PHPT1: variants seen among roughly 807,000 people sequenced by gnomAD.
The protein encoded by PHPT1 is 14 kDa phosphohistidine phosphatase.
PHPT1 carries 16 observed loss-of-function variants against 15.6 expected under a neutral mutation model. The ratio of observed to expected loss-of-function variants is 1.03; its 90% CI spans 0.70 to 1.56. The LOEUF (loss-of-function observed/expected upper bound fraction) is 1.56. Ranked by LOEUF, PHPT1 falls within the 40% of genes most tolerant of loss-of-function variation. PHPT1 has a pLI of 0.00. For synonymous variants in PHPT1, 102 were observed against 68.1 expected (o/e 1.50, Z -2.45); for missense variants, 228 against 171.0 (o/e 1.33, Z -1.86).
chr9:136,849,643 G>A, intron 1 of PHPT1, 53 bp downstream of exon 1: 5 of 1,384,412 alleles, frequency 3.6e-6, no homozygotes, highest in South Asian at 1.4e-5. Context: ...AGGCGGGGGC[G>A]GGGCTGGCGG....
Position 136,849,588 on chromosome 9 carries a change from A to C in PHPT1, c.158A>C (p.His53Pro). The part of the protein sequence containing the change: ...IVRGYKWAEY[H>P]ADIYDKVSGD... ...CGCGGCTACAAGTGGGCTGAGTACC[A>C]TGGTGAGGGCGGGACCTGCGGGCAT... Residue 53 changes from histidine to proline, a missense_variant and splice_region_variant, in exon 1 of 3, where the codon CAT becomes CCT. Coordinates refer to ENST00000247665, the MANE Select transcript of PHPT1 (RefSeq NM_014172.6). 2.1e-6 allele frequency: 3 copies of C among 1,417,356 alleles called. No individual in the cohort carries two copies. The highest frequency in any genetic ancestry group is 2.8e-6 in the Non-Finnish European group (3 of 1,062,694). 87.8% of individuals were successfully genotyped at this position (1,417,356 alleles called of 1,614,324 possible). A position where few individuals can be genotyped will look rare whatever the true frequency, so the allele number is the denominator to read the frequency against.
At position 136,851,003 on chromosome 9, in the gene PHPT1, G is replaced by T. The variant is rs1247633772; in HGVS notation, c.*156G>T. 3 of 764,946 alleles carry T rather than the reference G, an allele frequency of 3.9e-6. No individual in the cohort carries two copies. Among genetic ancestry groups the T allele is most frequent in the Non-Finnish European group, 7.2e-6 (3 of 418,612 alleles). 47.4% of individuals were successfully genotyped at this position (764,946 alleles called of 1,614,324 possible). Reference sequence around the variant, plus strand: ...TTGGAGACAGGCTAGCCTGGCCACAGAATTAAACGTGTTGCCACACCTGCC... The same window carrying T: ...TTGGAGACAGGCTAGCCTGGCCACATAATTAAACGTGTTGCCACACCTGCC... On this transcript the variant is annotated 3_prime_UTR_variant, in exon 3 of 3. Coordinates refer to ENST00000247665, the MANE Select transcript of PHPT1 (RefSeq NM_014172.6).
At chr9:136,850,681 G>C in intron 2 of PHPT1, 74 bp from the exon 3 acceptor site, 1 of 1,492,520 alleles carries the variant, frequency 6.7e-7, no homozygotes, top group Admixed American at 1.7e-5. Context: ...GGTGTGGCTG[G>C]TGGCTGGATG....
chr9:136,850,344 G>C, intron 2 of PHPT1: 1 of 828,978 alleles, frequency 1.2e-6, no homozygotes, highest in Non-Finnish European at 1.9e-6. Context: ...GGGTGGGACG[G>C]ACACCCCCAG....
intron 1 of PHPT1, 165 bp downstream of exon 1, chr9:136,849,755 G>C (rs1382837431): frequency 6.4e-6 from 5 of 787,192 alleles, no homozygotes; most frequent in Non-Finnish European, 9.5e-6. Flanking sequence ...GCCCCTGCTA[G>C]GTTTGACCCA....
In PHPT1 at chr9:136,850,795, T is replaced by C. The variant is rs922769138; in HGVS notation, c.326T>C (p.Ile109Thr). The change falls in exon 3 of 3, where the codon ATC (isoleucine) becomes ACC (threonine). Residue 109 changes from isoleucine (I) to threonine (T), a missense_variant. By Grantham distance (89) the Ile-to-Thr change is moderately conservative. Coordinates refer to ENST00000247665, the MANE Select transcript of PHPT1 (RefSeq NM_014172.6). ...PAQHAISTEK[I>T]KAKYPDYEVT... ...CAGCACGCCATTTCAACTGAGAAAA[T>C]CAAAGCCAAGTACCCCGACTACGAG... The C allele has an allele frequency of 1.9e-6, 3 of 1,613,028 alleles. No individual in the cohort carries two copies. The highest frequency in any genetic ancestry group is 2.2e-5 in the South Asian group (2 of 91,084).
chr9:136,850,681 G>T (rs1381726694), intron 2 of PHPT1, 74 bp from the exon 3 acceptor site: 1 of 1,492,402 alleles, frequency 6.7e-7, no homozygotes, highest in Non-Finnish European at 9.3e-7. Flanking sequence ...GGTGTGGCTG[G>T]TGGCTGGATG....
rs150899908 is a variant in PHPT1, at chr9:136,849,465, T to C, written c.35T>C (p.Val12Ala). ...GCGGACCTCGCTCTCATTCCTGATGTGGACATCGACTCCGACGGCGTCTTC... is the reference window on the plus strand; with the variant it reads ...GCGGACCTCGCTCTCATTCCTGATGCGGACATCGACTCCGACGGCGTCTTC... Reference protein sequence around the residue: ...AVADLALIPDVDIDSDGVFKY... With the variant: ...AVADLALIPDADIDSDGVFKY... Residue 12 changes from valine to alanine, a missense_variant, in exon 1 of 3, where the codon GTG becomes GCG. Transcript: ENST00000247665. 87 of 1,610,826 alleles carry C rather than the reference T, an allele frequency of 5.4e-5. 1 individual carries two copies. The African/African-American group carries it at 1.1e-3, about 20-fold the overall frequency.
chr9:136,849,882 C>A, intron 1 of PHPT1, 131 bp from the exon 2 acceptor site: 2 of 1,003,390 alleles, frequency 2.0e-6, no homozygotes, highest in Non-Finnish European at 3.0e-6. Context: ...CTGTCCCAGC[C>A]TCAAGGGGCT....
intron 1 of PHPT1, 199 bp downstream of exon 1, chr9:136,849,789 G>T (rs920234865): frequency 6.0e-5 from 43 of 711,040 alleles, no homozygotes; most frequent in Non-Finnish European, 9.7e-5. Context: ...GGCGGGAAGG[G>T]CGTGACACGG....
chr9:136,850,650 C>A (rs1039727843), intron 2 of PHPT1, 105 bp from the exon 3 acceptor site: 41 of 1,492,192 alleles, frequency 2.7e-5, no homozygotes, highest in Non-Finnish European at 3.5e-5. Context: ...CACTGCCTAT[C>A]CCTTTCCCAC....
intron 2 of PHPT1, chr9:136,850,514 C>T: frequency 6.2e-7 from 1 of 1,611,970 alleles, no homozygotes; most frequent in Non-Finnish European, 8.5e-7. Flanking sequence ...AGATGAGACC[C>T]ACGTGCGTCC....
At chr9:136,850,406 G>C in intron 2 of PHPT1, 1 of 1,137,758 alleles carries the variant, frequency 8.8e-7, no homozygotes. Context: ...CTGGGCTCTA[G>C]CTGTCCTCCA....
chr9:136,850,310 C>G, intron 2 of PHPT1, 173 bp downstream of exon 2: 1 of 891,088 alleles, frequency 1.1e-6, no homozygotes, highest in Non-Finnish European at 1.7e-6. Context: ...TGCATTCCCC[C>G]ATGGAGCACA....
chr9:136,849,525 G>A lies in PHPT1; in HGVS notation c.95G>A (p.Arg32His), dbSNP rs775357814. The A allele has an allele frequency of 2.5e-6, 4 of 1,611,134 alleles. No homozygotes were observed. The highest frequency in any genetic ancestry group is 2.5e-6 in the Non-Finnish European group (3 of 1,179,514). ...CTGATCCGAGTCCACTCGGCTCCCC[G>A]CTCCGGGGCTCCGGCTGCAGAGAGC... The part of the protein sequence containing the change: ...YVLIRVHSAP[R>H]SGAPAAESKE... Residue 32 changes from arginine to histidine, a missense_variant, in exon 1 of 3, where the codon CGC becomes CAC. Transcript: ENST00000247665.
rs151002588 is a variant in PHPT1 at position 136,850,838 on chromosome 9, C to T, written c.369C>T (p.Asp123=). The T allele has an allele frequency of 4.8e-4, 772 of 1,612,400 alleles. 1 individual carries two copies. Among genetic ancestry groups the T allele is most frequent in the Non-Finnish European group, 6.2e-4 (732 of 1,179,386 alleles). The change falls in exon 3 of 3, where the codon GAC becomes GAT. Residue 123 remains aspartate, a synonymous_variant. Transcript: ENST00000247665. The part of the protein sequence containing the change: ...YPDYEVTWAN[D]GY The stretch of plus-strand genomic sequence containing the variant: ...ACTACGAGGTCACCTGGGCTAACGA[C>T]GGCTACTGAGCACTCCCAGCCCGGG...
chr9:136,850,096 CAGA>C lies in PHPT1; in HGVS notation c.245_247del (p.Gln82_Ser83delinsArg). The C allele has an allele frequency of 6.2e-7, 1 of 1,613,234 alleles. No homozygotes were observed. On this transcript the variant is annotated inframe_deletion, in exon 2 of 3. Transcript: ENST00000247665. ...TCTGGGCGGCGGGCGCATCTCCCACCAGAGTCAGGACAAGAAGATTCACGTGTA... is the reference window on the plus strand; with the variant it reads ...TCTGGGCGGCGGGCGCATCTCCCACCGTCAGGACAAGAAGATTCACGTGTA...
At chr9:136,849,661 ACGGGGCTGACGAGGCAGGGG>A (rs1247645654) in intron 1 of PHPT1, 71 bp downstream of exon 1, 2 of 426,018 alleles carry the variant, frequency 4.7e-6, no homozygotes, top group African/African-American at 3.4e-5. Context: ...CGGGACGGAG[ACGGGGCTGACGAGGCAGGGG>A]CGGGGCTGGC....
Position 136,849,589 on chromosome 9 carries a change from T to TGGTA in PHPT1, c.160+2_160+3insAGGT. 6.7e-7 allele frequency: 1 copy of TGGTA among 1,492,016 alleles called. No individual in the cohort carries two copies. The highest frequency in any genetic ancestry group is 9.0e-7 in the Non-Finnish European group (1 of 1,113,348). The allele number at this position is 1,492,016 out of a possible 1,614,324, so 92.4% of individuals were successfully genotyped here. A position where few individuals can be genotyped will look rare whatever the true frequency, so the allele number is the denominator to read the frequency against. On this transcript the variant is annotated frameshift_variant and splice_region_variant, in exon 1 of 3. Coordinates refer to ENST00000247665, the MANE Select transcript of PHPT1 (RefSeq NM_014172.6). LOFTEE classifies it high-confidence loss of function. ...GCGGCTACAAGTGGGCTGAGTACCA[T>TGGTA]GGTGAGGGCGGGACCTGCGGGCATG...
Sources: gnomAD v4.1 joint callset for allele counts on GRCh38, gnomAD v4.1.1 for gene constraint, MANE v1.5 for transcripts, NCBI Gene and HGNC (gene_info 2026-07-23, HGNC 2026-07-21) for gene names.